MAGI2: variants seen among roughly 807,000 people sequenced by gnomAD.
The protein encoded by MAGI2 is membrane associated guanylate kinase, WW and PDZ domain containing 2, also known as membrane-associated guanylate kinase, WW and PDZ domain-containing protein 2.
In MAGI2, 35 loss-of-function variants were observed where a neutral mutation model predicts 133.3. That is an observed-to-expected ratio of 0.26 (90% CI 0.20 to 0.35). The LOEUF (loss-of-function observed/expected upper bound fraction) is 0.35. Among genes scored for constraint, MAGI2 ranks in the 10% least tolerant of loss-of-function variants. The pLI, the probability that MAGI2 is intolerant of heterozygous loss-of-function variation, is 1.00. For synonymous variants in MAGI2, 729 were observed against 710.6 expected (o/e 1.03, Z -0.41); for missense variants, 1,636 against 1,863.4 (o/e 0.88, Z 2.25).
intron 9 of MAGI2, among the ~76,000 whole-genome samples, chr7:78,270,206 T>C (rs1794428099): frequency 6.6e-6 from 1 of 152,186 alleles, no homozygotes; most frequent in Non-Finnish European, 1.5e-5. Flanking sequence ...GCATGATGTC[T>C]CCAGTTTTGT....
chr7:79,025,720 G>C (rs1433415061), intron 1 of MAGI2, among the ~76,000 whole-genome samples: 1 of 152,114 alleles, frequency 6.6e-6, no homozygotes, highest in Non-Finnish European at 1.5e-5. Context: ...GAAAGACAAG[G>C]TCCTGATCTG....
intron 7 of MAGI2, among the ~76,000 whole-genome samples, chr7:78,357,203 A>G (rs1452035291): frequency 1.3e-5 from 2 of 152,162 alleles, no homozygotes; most frequent in Non-Finnish European, 2.9e-5. Context: ...TTTATCACCT[A>G]CTAGCTTGAT....
intron 2 of MAGI2, among the ~76,000 whole-genome samples, chr7:78,768,296 C>G (rs1825230638): frequency 6.6e-6 from 1 of 152,154 alleles, no homozygotes; most frequent in South Asian, 2.1e-4. Context: ...CATTATATCA[C>G]CTCACCTATT....
At chr7:78,059,744 G>C (rs911138447) in intron 21 of MAGI2, among the ~76,000 whole-genome samples, 1 of 148,858 alleles carries the variant, frequency 6.7e-6, no homozygotes, top group African/African-American at 2.5e-5. Context: ...AGAGCTCCTC[G>C]AGGGAGGAAC....
chr7:78,982,619 C>T (rs1002120090), intron 2 of MAGI2, among the ~76,000 whole-genome samples: 1 of 151,824 alleles, frequency 6.6e-6, no homozygotes, highest in South Asian at 2.1e-4. Context: ...CTGACTTAGC[C>T]TCCAGAAGTC....
At chr7:78,222,033 G>A (rs1431578582) in intron 10 of MAGI2, among the ~76,000 whole-genome samples, 1 of 152,024 alleles carries the variant, frequency 6.6e-6, no homozygotes, top group African/African-American at 2.4e-5. Flanking sequence ...CTGGGCGACA[G>A]AGCAAGATCT....
At chr7:79,245,050 T>A (rs1293395996) in intron 1 of MAGI2, among the ~76,000 whole-genome samples, 1 of 152,104 alleles carries the variant, frequency 6.6e-6, no homozygotes, top group Non-Finnish European at 1.5e-5. Context: ...TCCTTAAAGG[T>A]AAAGACTCAG....
chr7:79,246,416 G>C (rs1832823675), intron 1 of MAGI2, among the ~76,000 whole-genome samples: 1 of 151,976 alleles, frequency 6.6e-6, no homozygotes, highest in Non-Finnish European at 1.5e-5. Context: ...CACAAAGAAG[G>C]AATTAAGAAT....
intron 1 of MAGI2, chr7:79,410,013 A>G (rs1332560107): frequency 6.6e-6 from 1 of 152,128 alleles, no homozygotes; most frequent in African/African-American, 2.4e-5. Flanking sequence ...TTTTCAAAGG[A>G]AGTACAAATA....
intron 1 of MAGI2, among the ~76,000 whole-genome samples, chr7:79,024,843 TA>T (rs57650854): frequency 0.59 from 88,455 of 150,794 alleles, 26,162 homozygotes; most frequent in East Asian, 0.63. Flanking sequence ...ATTAAAAAGT[TA>T]AAAAAAAAAC....
chr7:78,313,681 T>C (rs906574640), intron 9 of MAGI2, among the ~76,000 whole-genome samples: 4 of 152,066 alleles, frequency 2.6e-5, no homozygotes, highest in Non-Finnish European at 5.9e-5. Context: ...TGTCTGTGTA[T>C]TATTAAGCTC....
chr7:78,071,195 G>A (rs1036202426), intron 21 of MAGI2, among the ~76,000 whole-genome samples: 2 of 152,184 alleles, frequency 1.3e-5, no homozygotes, highest in Non-Finnish European at 2.9e-5. Flanking sequence ...TAACAAATGA[G>A]GTTTTGGCTG....
intron 1 of MAGI2, among the ~76,000 whole-genome samples, chr7:79,285,974 A>G (rs764748578): frequency 3.9e-5 from 6 of 152,170 alleles, no homozygotes; most frequent in Non-Finnish European, 5.9e-5. Context: ...TGAGTAGGAC[A>G]GTAAATCTTC....
chr7:78,450,551 T>C (rs185921152), intron 6 of MAGI2, among the ~76,000 whole-genome samples: 100 of 152,238 alleles, frequency 6.6e-4, no homozygotes, highest in Admixed American at 5.7e-3. Flanking sequence ...GACAGGATGC[T>C]GAGGCTTCTA....
intron 1 of MAGI2, among the ~76,000 whole-genome samples, chr7:79,244,662 C>T (rs935180375): frequency 1.9e-4 from 29 of 152,260 alleles, no homozygotes; most frequent in Admixed American, 1.3e-4. Flanking sequence ...CCTAAATAAA[C>T]TTGTAAGGCA....
chr7:79,298,283 G>C (rs896678018), intron 1 of MAGI2, among the ~76,000 whole-genome samples: 3 of 152,128 alleles, frequency 2.0e-5, no homozygotes, highest in African/African-American at 4.8e-5. Context: ...TTTTAAGAGA[G>C]ATTCATCATC....
intron 4 of MAGI2, among the ~76,000 whole-genome samples, chr7:78,514,155 A>G (rs1167611530): frequency 6.6e-6 from 1 of 150,886 alleles, no homozygotes; most frequent in Non-Finnish European, 1.5e-5. Context: ...GTTTAACTGA[A>G]ACATGACTGT....
chr7:78,498,185 GT>G (rs1350203771), intron 5 of MAGI2, among the ~76,000 whole-genome samples: 12 of 152,166 alleles, frequency 7.9e-5, no homozygotes, highest in African/African-American at 2.4e-4. Flanking sequence ...TAATGCATAT[GT>G]TAAGTAGCTT....
intron 1 of MAGI2, among the ~76,000 whole-genome samples, chr7:79,016,465 T>G (rs1808742535): frequency 1.3e-5 from 2 of 152,002 alleles, no homozygotes; most frequent in Admixed American, 1.3e-4. Context: ...AGTAAACAGC[T>G]CCAGTAGGGT....
Sources: gnomAD v4.1 joint callset for allele counts (sites outside exome capture counted in the v4.1 genomes callset) on GRCh38, gnomAD v4.1.1 for gene constraint, MANE v1.5 for transcripts, NCBI Gene and HGNC (gene_info 2026-07-23, HGNC 2026-07-21) for gene names.